Variants in SORCS2 observed in about 807,000 individuals in gnomAD.
SORCS2 encodes the protein VPS10 domain-containing receptor SorCS2.
A neutral mutation model predicts 141.6 loss-of-function variants in SORCS2; 100 were observed. The ratio of observed to expected loss-of-function variants is 0.71; its 90% CI spans 0.60 to 0.83. The LOEUF (loss-of-function observed/expected upper bound fraction) is 0.83, where lower values mean the gene tolerates loss of function less well. SORCS2 is among the 40% of genes least tolerant of loss of function. SORCS2 has a pLI of 0.00. For synonymous variants in SORCS2, 789 were observed against 676.9 expected (o/e 1.17, Z -2.57); for missense variants, 1,646 against 1,560.2 (o/e 1.05, Z -0.93).
Position 7,712,831 on chromosome 4 carries a change from C to T in SORCS2, c.1967C>T (p.Ser656Phe), listed in dbSNP as rs746512496. The T allele has an allele frequency of 1.2e-6, 2 of 1,613,914 alleles. No homozygotes were observed. Among genetic ancestry groups the T allele is most frequent in the East Asian group, 4.5e-5 (2 of 44,876 alleles). The change falls in exon 15 of 27, where the codon TCC (serine) becomes TTC (phenylalanine). Residue 656 changes from serine to phenylalanine, a missense_variant. Physicochemically the swap from Ser to Phe is radical, Grantham distance 155 (BLOSUM62 -2). Transcript: ENST00000507866. ...CAGTGCGGCGAGGAGGACTACAGCTCCTGGGAGCTCTCCAACCTGCAGGTG... is the reference window on the plus strand; with the variant it reads ...CAGTGCGGCGAGGAGGACTACAGCTTCTGGGAGCTCTCCAACCTGCAGGTG... ...SRQCGEEDYS[S>F]WELSNLQGDR...
At chr4:7,420,709 G>A (rs893262280) in intron 2 of SORCS2, among the ~76,000 whole-genome samples, 1 of 152,122 alleles carries the variant, frequency 6.6e-6, no homozygotes, top group Non-Finnish European at 1.5e-5. Context: ...CTAGGGCAGT[G>A]GCAGTCACAT....
intron 2 of SORCS2, among the ~76,000 whole-genome samples, chr4:7,418,709 C>T (rs1247112095): frequency 8.5e-6 from 1 of 117,188 alleles, no homozygotes; most frequent in South Asian, 3.3e-4. Flanking sequence ...ATGACCCCCC[C>T]CCCCACCAGA....
At chr4:7,335,076 G>C (rs1042721045) in intron 1 of SORCS2, among the ~76,000 whole-genome samples, 2 of 152,128 alleles carry the variant, frequency 1.3e-5, no homozygotes, top group Non-Finnish European at 2.9e-5. Flanking sequence ...TACACAGAGG[G>C]CATCTGTGTC....
chr4:7,452,248 C>T lies in SORCS2; in HGVS notation c.548+55893C>T, dbSNP rs559021396. Among the ~76,000 whole-genome samples the T allele has an allele frequency of 5.3e-5, 8 of 152,122 alleles. No homozygotes were observed. The South Asian group carries it at 1.5e-3, about 28-fold the overall frequency. ...CTCTGCCTCCTATGTTCAGGCAATTCGCCTGCCTCAGCCTCCTGAGTGGCT... is the reference window on the plus strand; with the variant it reads ...CTCTGCCTCCTATGTTCAGGCAATTTGCCTGCCTCAGCCTCCTGAGTGGCT... On this transcript the variant is annotated intron_variant, in intron 2 of 26. Coordinates refer to ENST00000507866, the MANE Select transcript of SORCS2 (RefSeq NM_020777.3).
chr4:7,535,105 A>G (rs1712008949), intron 3 of SORCS2, among the ~76,000 whole-genome samples: 1 of 152,194 alleles, frequency 6.6e-6, no homozygotes, highest in Non-Finnish European at 1.5e-5. Context: ...AGGTGCAGAC[A>G]GGGCTGGGCT....
At position 7,356,025 on chromosome 4, in the gene SORCS2, A is replaced by T. The variant is rs547383276; in HGVS notation, c.481-40263A>T. On this transcript the variant is annotated intron_variant, in intron 1 of 26. Transcript: ENST00000507866. ...TCTGGCCCTCTTTCTGTCCTTTGAGATGTCCACGCTTGTTGCTGCCCCAGG... is the reference window on the plus strand; with the variant it reads ...TCTGGCCCTCTTTCTGTCCTTTGAGTTGTCCACGCTTGTTGCTGCCCCAGG... Among the ~76,000 whole-genome samples, 10 of 152,056 alleles carry T rather than the reference A, an allele frequency of 6.6e-5. No homozygotes were observed. In the South Asian group the frequency reaches 1.9e-3, roughly 28 times the overall value.
intron 4 of SORCS2, among the ~76,000 whole-genome samples, chr4:7,647,867 G>A (rs915063829): frequency 1.6e-4 from 25 of 152,236 alleles, no homozygotes; most frequent in African/African-American, 5.5e-4. Context: ...AGAGCTCCGG[G>A]TGTGTTCATC....
chr4:7,226,539 G>A (rs148236091), intron 1 of SORCS2, among the ~76,000 whole-genome samples: 4 of 152,156 alleles, frequency 2.6e-5, no homozygotes, highest in Non-Finnish European at 4.4e-5. Flanking sequence ...CGGAACAGGC[G>A]GCGGGCAGAG....
chr4:7,647,179 T>C (rs1433405269), intron 4 of SORCS2, among the ~76,000 whole-genome samples: 3 of 151,866 alleles, frequency 2.0e-5, no homozygotes, highest in Non-Finnish European at 2.9e-5. Flanking sequence ...CCATTCCAGA[T>C]GATTGAGCTT....
At chr4:7,374,179 CTTTCTTTCTTTCTTTCTTTT>C (rs1560229505) in intron 1 of SORCS2, among the ~76,000 whole-genome samples, 17 of 118,010 alleles carry the variant, frequency 1.4e-4, no homozygotes, top group East Asian at 2.8e-4. Flanking sequence ...TTCTTTCTTT[CTTTCTTTCTTTCTTTCTTTT>C]TTGCAGAGAG....
intron 3 of SORCS2, among the ~76,000 whole-genome samples, chr4:7,579,851 T>G (rs549526075): frequency 1.3e-5 from 2 of 151,956 alleles, no homozygotes; most frequent in Admixed American, 1.3e-4. Context: ...TAGAAAGAAG[T>G]CTTCTACCTA....
chr4:7,478,249 A>G (rs1310249896), intron 2 of SORCS2, among the ~76,000 whole-genome samples: 2 of 152,092 alleles, frequency 1.3e-5, no homozygotes, highest in Non-Finnish European at 2.9e-5. Context: ...AAGGTGAAAC[A>G]CTCAGCCTGC....
At chr4:7,309,808 G>A (rs113391185) in intron 1 of SORCS2, among the ~76,000 whole-genome samples, 2,465 of 152,270 alleles carry the variant, frequency 0.016, 36 homozygotes, top group Middle Eastern at 0.068. Context: ...TGAGGCCCGC[G>A]TAACCCACCG....
chr4:7,458,645 A>G (rs1729078036), intron 2 of SORCS2, among the ~76,000 whole-genome samples: 2 of 152,166 alleles, frequency 1.3e-5, no homozygotes, highest in South Asian at 2.1e-4. Flanking sequence ...TTGCTCATCA[A>G]ACTTGACCTG....
intron 3 of SORCS2, among the ~76,000 whole-genome samples, chr4:7,545,268 G>C (rs754887441): frequency 2.0e-5 from 3 of 152,122 alleles, no homozygotes; most frequent in Non-Finnish European, 2.9e-5. Context: ...ATGCAGAACT[G>C]AACCAAAACA....
At chr4:7,304,795 CT>C (rs1435152737) in intron 1 of SORCS2, among the ~76,000 whole-genome samples, 2 of 152,216 alleles carry the variant, frequency 1.3e-5, no homozygotes, top group African/African-American at 4.8e-5. Context: ...AGGGCTCCAG[CT>C]GCAGAATCAA....
chr4:7,364,068 C>T (rs1721741009), intron 1 of SORCS2, among the ~76,000 whole-genome samples: 2 of 151,692 alleles, frequency 1.3e-5, no homozygotes, highest in Non-Finnish European at 2.9e-5. Flanking sequence ...GCCTCACCAT[C>T]ATCATCACCA....
In SORCS2 at chr4:7,382,265, T is replaced by C. The variant is rs112283552; in HGVS notation, c.481-14023T>C. 5.6e-3 allele frequency among the ~76,000 whole-genome samples: 853 copies of C among 152,234 alleles called. 16 individuals are homozygous for C. Among genetic ancestry groups the C allele is most frequent in the African/African-American group, 0.02 (818 of 41,524 alleles). On this transcript the variant is annotated intron_variant, in intron 1 of 26. Transcript: ENST00000507866. ...GACCACAGGGATGGGGTTTGAACTTTAGCATCTGGGCAGTGGGAGACCCTG... is the reference window on the plus strand; with the variant it reads ...GACCACAGGGATGGGGTTTGAACTTCAGCATCTGGGCAGTGGGAGACCCTG...
chr4:7,258,996 G>T (rs1577329958), intron 1 of SORCS2, among the ~76,000 whole-genome samples: 1 of 152,242 alleles, frequency 6.6e-6, no homozygotes, highest in East Asian at 1.9e-4. Context: ...TTATAAATGT[G>T]TTTAAGTTCT....
Sources: allele counts gnomAD v4.1 joint callset (sites outside exome capture counted in the v4.1 genomes callset), GRCh38; gene constraint gnomAD v4.1.1; transcripts MANE v1.5; gene names NCBI Gene and HGNC (gene_info 2026-07-23, HGNC 2026-07-21).